The following CSMD1 variants were observed in gnomAD, a reference collection of about 807,000 sequenced individuals.
CSMD1 encodes the protein CUB and Sushi multiple domains 1.
CSMD1 carries 213 observed loss-of-function variants against 417.5 expected under a neutral mutation model. The ratio of observed to expected loss-of-function variants is 0.51; its 90% CI spans 0.46 to 0.57. The LOEUF is 0.57. CSMD1 is among the 20% of genes least tolerant of loss of function. The pLI is 0.00. For synonymous variants in CSMD1, 2,862 were observed against 1,736.8 expected, an observed-to-expected ratio of 1.65 and a Z score of -16.11; for missense variants, 6,923 against 4,529.7, an observed-to-expected ratio of 1.53 and a Z score of -15.17.
At chr8:4,456,953 T>C (rs1253970492) in intron 2 of CSMD1, among the ~76,000 whole-genome samples, 5 of 144,870 alleles carry the variant, frequency 3.5e-5, no homozygotes, top group Non-Finnish European at 7.5e-5. Context: ...TCCTCTGATT[T>C]ACAAGAGATT....
chr8:4,352,152 A>G (rs1015724068), intron 3 of CSMD1, among the ~76,000 whole-genome samples: 6 of 152,142 alleles, frequency 3.9e-5, no homozygotes, highest in African/African-American at 7.2e-5. Flanking sequence ...TCAGAATATC[A>G]TTTTTATATT....
At chr8:4,432,373 G>C (rs1470081481) in intron 2 of CSMD1, among the ~76,000 whole-genome samples, 1 of 152,130 alleles carries the variant, frequency 6.6e-6, no homozygotes. Flanking sequence ...TATGAACTTA[G>C]TGATTAACCT....
chr8:3,759,955 C>T (rs1184727421), intron 5 of CSMD1, among the ~76,000 whole-genome samples: 3 of 148,436 alleles, frequency 2.0e-5, no homozygotes, highest in Admixed American at 6.7e-5. Flanking sequence ...TGGTAGTGAT[C>T]AACCAATGTC....
intron 10 of CSMD1, among the ~76,000 whole-genome samples, chr8:3,522,042 T>G (rs1419948540): frequency 1.3e-5 from 2 of 152,348 alleles, no homozygotes; most frequent in South Asian, 2.1e-4. Flanking sequence ...GAGTATTGCC[T>G]GTGTGAATAA....
chr8:3,797,150 A>G (rs573199311), intron 5 of CSMD1, among the ~76,000 whole-genome samples: 5 of 152,108 alleles, frequency 3.3e-5, no homozygotes, highest in South Asian at 2.1e-4. Context: ...TACAGTCAAC[A>G]TAATAATTGA....
chr8:4,730,639 G>T (rs899258595), intron 1 of CSMD1, among the ~76,000 whole-genome samples: 4 of 152,088 alleles, frequency 2.6e-5, no homozygotes, highest in Admixed American at 2.6e-4. Flanking sequence ...TACTCGGGAG[G>T]CTGAGACAGG....
chr8:3,443,917 G>T (rs770844651), intron 12 of CSMD1, among the ~76,000 whole-genome samples: 1 of 152,292 alleles, frequency 6.6e-6, no homozygotes, highest in South Asian at 2.1e-4. Context: ...GAAATTATGA[G>T]ATATTCTAAT....
intron 54 of CSMD1, among the ~76,000 whole-genome samples, chr8:2,989,602 G>C (rs183524846): frequency 1.3e-5 from 2 of 152,138 alleles, no homozygotes; most frequent in Admixed American, 1.3e-4. Context: ...ATGCATCAAC[G>C]AATTTGTTTA....
intron 3 of CSMD1, among the ~76,000 whole-genome samples, chr8:4,311,126 C>G (rs185251993): frequency 1.3e-5 from 2 of 152,258 alleles, no homozygotes; most frequent in East Asian, 3.9e-4. Flanking sequence ...AACTGCCACT[C>G]AACCCAGCAA....
chr8:4,105,361 C>A (rs576401004), intron 3 of CSMD1, among the ~76,000 whole-genome samples: 5 of 151,666 alleles, frequency 3.3e-5, no homozygotes, highest in African/African-American at 9.7e-5. Flanking sequence ...TTTATATGTG[C>A]TTTAGACATG....
At chr8:3,372,270 C>T (rs761128613) in intron 18 of CSMD1, among the ~76,000 whole-genome samples, 37 of 152,106 alleles carry the variant, frequency 2.4e-4, no homozygotes, top group Non-Finnish European at 4.0e-4. Context: ...AGGGCTCAAG[C>T]TACAGTGGAG....
At chr8:4,471,300 T>G (rs924085208) in intron 2 of CSMD1, among the ~76,000 whole-genome samples, 15 of 152,208 alleles carry the variant, frequency 9.9e-5, no homozygotes, top group African/African-American at 3.4e-4. Flanking sequence ...GTCAAACAGG[T>G]TGGTAAAAAG....
intron 54 of CSMD1, among the ~76,000 whole-genome samples, chr8:2,979,461 A>C (rs1215046551): frequency 6.6e-6 from 1 of 152,212 alleles, no homozygotes; most frequent in African/African-American, 2.4e-5. Context: ...TCTGTGAGGG[A>C]ATTAGCGATG....
intron 4 of CSMD1, among the ~76,000 whole-genome samples, chr8:4,011,636 C>G (rs1816543295): frequency 1.3e-5 from 2 of 152,158 alleles, no homozygotes; most frequent in South Asian, 4.1e-4. Flanking sequence ...TTTCCTCATC[C>G]TTGAATTCTT....
In CSMD1 at chr8:3,003,391, C is replaced by T. The variant is rs1195506568; in HGVS notation, c.8030-3260G>A. ...AGTCATCTACACAAAACCTAGAAAG[C>T]CTCTCTGTCTTCCCTCAGGATGAAA... On this transcript the variant is annotated intron_variant, in intron 52 of 69. Transcript: ENST00000635120. 2.0e-5 allele frequency among the ~76,000 whole-genome samples: 3 copies of T among 152,016 alleles called. No homozygotes were observed. In the South Asian group the frequency reaches 6.2e-4, roughly 32 times the overall value.
At chr8:4,396,677 C>A (rs1804243891) in intron 3 of CSMD1, among the ~76,000 whole-genome samples, 4 of 151,446 alleles carry the variant, frequency 2.6e-5, no homozygotes, top group Admixed American at 1.3e-4. Context: ...ACACACACAC[C>A]CAATGGAATA....
chr8:4,095,512 T>A (rs981173447), intron 3 of CSMD1, among the ~76,000 whole-genome samples: 1 of 152,234 alleles, frequency 6.6e-6, no homozygotes, highest in African/African-American at 2.4e-5. Context: ...GTGGAAAGAA[T>A]GTCCCCACTA....
intron 2 of CSMD1, among the ~76,000 whole-genome samples, chr8:4,515,102 C>T (rs1178311623): frequency 6.6e-6 from 1 of 152,198 alleles, no homozygotes; most frequent in East Asian, 1.9e-4. Flanking sequence ...GTACGATTTA[C>T]AGCAGCTCCC....
chr8:3,086,999 C>G (rs891059372), intron 49 of CSMD1, 98 bp downstream of exon 49: 6 of 1,124,802 alleles, frequency 5.3e-6, no homozygotes, highest in African/African-American at 3.1e-5. Context: ...TTTTCCTTAC[C>G]TTTTATTCTT....
Sources: allele counts gnomAD v4.1 joint callset (sites outside exome capture counted in the v4.1 genomes callset), GRCh38; gene constraint gnomAD v4.1.1; transcripts MANE v1.5; gene names NCBI Gene and HGNC (gene_info 2026-07-23, HGNC 2026-07-21).